Variants in TTC28 observed in about 807,000 individuals in gnomAD.
TTC28 encodes the protein tetratricopeptide repeat protein 28.
A neutral mutation model predicts 198.0 loss-of-function variants in TTC28; 61 were observed. That is an observed-to-expected ratio of 0.31 (90% confidence interval 0.25 to 0.38). The LOEUF (loss-of-function observed/expected upper bound fraction) is 0.38. Among genes scored for constraint, TTC28 ranks in the 10% least tolerant of loss-of-function variants. The pLI, the probability that TTC28 is intolerant of heterozygous loss-of-function variation, is 1.00. For synonymous variants in TTC28, 1,171 were observed against 1,297.8 expected, an observed-to-expected ratio of 0.90 and a Z score of 2.10; for missense variants, 2,678 against 3,164.0, an observed-to-expected ratio of 0.85 and a Z score of 3.69.
At chr22:28,274,033 A>C (rs981095588) in intron 5 of TTC28, among the ~76,000 whole-genome samples, 4 of 152,196 alleles carry the variant, frequency 2.6e-5, no homozygotes, top group African/African-American at 9.6e-5. Flanking sequence ...ACAATGAGCA[A>C]AAGAAACCAG....
At chr22:28,088,990 C>T (rs927552778) in intron 12 of TTC28, among the ~76,000 whole-genome samples, 1 of 152,100 alleles carries the variant, frequency 6.6e-6, no homozygotes, top group Admixed American at 6.5e-5. Flanking sequence ...GTTAGAATGG[C>T]AATCATTAAA....
chr22:28,532,069 C>G (rs555638601), intron 2 of TTC28, among the ~76,000 whole-genome samples: 3 of 152,138 alleles, frequency 2.0e-5, no homozygotes, highest in African/African-American at 7.2e-5. Context: ...CAGAGCAGAA[C>G]TGAAGGAGAC....
chr22:28,349,844 C>T (rs1455178827), intron 2 of TTC28, among the ~76,000 whole-genome samples: 3 of 152,214 alleles, frequency 2.0e-5, no homozygotes, highest in Non-Finnish European at 4.4e-5. Context: ...TAACTTTATA[C>T]TAACAAGTTG....
chr22:28,019,957 C>T (rs907986824), intron 13 of TTC28, among the ~76,000 whole-genome samples: 13 of 152,236 alleles, frequency 8.5e-5, no homozygotes, highest in Admixed American at 4.6e-4. Flanking sequence ...AGGCCTGCCA[C>T]GGCGGCCTCA....
chr22:28,203,724 G>A (rs1035726978), intron 5 of TTC28, among the ~76,000 whole-genome samples: 14 of 151,976 alleles, frequency 9.2e-5, no homozygotes, highest in African/African-American at 2.7e-4. Flanking sequence ...TGCCTCTGTG[G>A]ATTAACACCA....
chr22:28,140,882 A>G lies in TTC28; in HGVS notation c.1441+22210T>C, dbSNP rs535847615. Among the ~76,000 whole-genome samples the G allele has an allele frequency of 2.0e-5, 3 of 152,316 alleles. No homozygotes were observed. In the South Asian group the frequency reaches 6.2e-4, roughly 32 times the overall value. The stretch of plus-strand genomic sequence containing the variant: ...ACTGTAAATACTATAAACTCTGGTT[A>G]ACCAGCATGTTCAGAGAATATAAAG... On this transcript the variant is annotated intron_variant, in intron 6 of 22. Transcript: ENST00000397906.
chr22:28,286,323 A>G (rs2044685715), intron 5 of TTC28, among the ~76,000 whole-genome samples: 1 of 152,234 alleles, frequency 6.6e-6, no homozygotes, highest in Non-Finnish European at 1.5e-5. Context: ...TGTAAAAAGT[A>G]AAATTAACTT....
chr22:28,309,338 G>A (rs1249511018), intron 2 of TTC28, among the ~76,000 whole-genome samples: 1 of 152,096 alleles, frequency 6.6e-6, no homozygotes, highest in Non-Finnish European at 1.5e-5. Flanking sequence ...GAGCAATCAA[G>A]AAACTATATA....
In TTC28 at chr22:27,981,313, ATAAT is replaced by A. The variant is rs1456601117; in HGVS notation, c.*904_*907del. 5 of 122,340 alleles carry A rather than the reference ATAAT, an allele frequency of 4.1e-5. No homozygotes were observed. The Admixed American group carries it at 5.6e-4, about 14-fold the overall frequency. The allele number at this position is 122,340 out of a possible 1,614,324, so 7.6% of individuals were successfully genotyped here. On this transcript the variant is annotated 3_prime_UTR_variant, in exon 23 of 23. Coordinates refer to ENST00000397906, the MANE Select transcript of TTC28 (RefSeq NM_001145418.2). ...ATTTCAACCTTTCCTTCCAAACTTG[ATAAT>A]TACTTATTGATGACTATTCAAAATT...
intron 2 of TTC28, among the ~76,000 whole-genome samples, chr22:28,505,749 TG>T (rs1360876368): frequency 6.6e-6 from 1 of 152,158 alleles, no homozygotes; most frequent in East Asian, 1.9e-4. Context: ...CCCTAGGAAC[TG>T]GGGCTGAATT....
intron 2 of TTC28, among the ~76,000 whole-genome samples, chr22:28,552,443 C>A (rs567990546): frequency 6.6e-6 from 1 of 151,970 alleles, no homozygotes; most frequent in Non-Finnish European, 1.5e-5. Context: ...GCAAAAAGAA[C>A]AAATCTAGAA....
At chr22:28,330,972 T>C (rs1156904685) in intron 2 of TTC28, among the ~76,000 whole-genome samples, 1 of 152,174 alleles carries the variant, frequency 6.6e-6, no homozygotes, top group African/African-American at 2.4e-5. Flanking sequence ...CGTTTAAAAA[T>C]TATGCTGTAA....
intron 2 of TTC28, among the ~76,000 whole-genome samples, chr22:28,571,101 C>T (rs1481843706): frequency 6.6e-6 from 1 of 152,110 alleles, no homozygotes; most frequent in Non-Finnish European, 1.5e-5. Context: ...AGCATATGTC[C>T]TGAATAGGTC....
At chr22:28,582,248 G>C (rs180801767) in intron 2 of TTC28, among the ~76,000 whole-genome samples, 3 of 151,924 alleles carry the variant, frequency 2.0e-5, no homozygotes, top group African/African-American at 7.3e-5. Context: ...ATCCCAAAAC[G>C]CAGAAGCAAA....
At chr22:28,275,862 G>T (rs1017508883) in intron 5 of TTC28, among the ~76,000 whole-genome samples, 1 of 152,134 alleles carries the variant, frequency 6.6e-6, no homozygotes, top group Admixed American at 6.6e-5. Flanking sequence ...GTGGGAGCTG[G>T]TAAGTTTGGT....
intron 1 of TTC28, among the ~76,000 whole-genome samples, chr22:28,630,138 C>T: frequency 6.6e-6 from 1 of 152,170 alleles, no homozygotes; most frequent in Non-Finnish European, 1.5e-5. Flanking sequence ...CATGCACAAG[C>T]CAGCTCCCCT....
intron 2 of TTC28, among the ~76,000 whole-genome samples, chr22:28,421,810 CTG>C (rs1395095746): frequency 6.6e-6 from 1 of 151,900 alleles, no homozygotes; most frequent in Non-Finnish European, 1.5e-5. Flanking sequence ...TGGCACATTC[CTG>C]CAGTCCCAGA....
chr22:28,087,244 T>C (rs1023681839), intron 12 of TTC28, among the ~76,000 whole-genome samples: 24 of 152,266 alleles, frequency 1.6e-4, no homozygotes, highest in African/African-American at 5.3e-4. Flanking sequence ...TTGATGAACA[T>C]TGATGCAAAA....
At chr22:28,511,997 C>T (rs913620515) in intron 2 of TTC28, among the ~76,000 whole-genome samples, 12 of 151,786 alleles carry the variant, frequency 7.9e-5, no homozygotes, top group African/African-American at 2.9e-4. Flanking sequence ...AATCTATCAT[C>T]GGAGTGAACG....
Sources: allele counts gnomAD v4.1 joint callset (sites outside exome capture counted in the v4.1 genomes callset), GRCh38; gene constraint gnomAD v4.1.1; transcripts MANE v1.5; gene names NCBI Gene and HGNC (gene_info 2026-07-23, HGNC 2026-07-21).